FAM222B: variants seen among roughly 807,000 people sequenced by gnomAD.
FAM222B encodes protein FAM222B.
In FAM222B, 12 loss-of-function variants were observed where a neutral mutation model predicts 38.0. The ratio of observed to expected loss-of-function variants is 0.32; its 90% CI spans 0.20 to 0.51. The LOEUF (loss-of-function observed/expected upper bound fraction) is 0.51, where lower values mean the gene tolerates loss of function less well. FAM222B is among the 20% of genes least tolerant of loss of function. The probability of loss-of-function intolerance (pLI) is 0.97; values close to 1 mark genes in which losing one functional copy is unlikely to be tolerated. For missense variants in FAM222B, 716 were observed against 754.2 expected (o/e 0.95, Z 0.59); for synonymous variants, 329 against 317.2 (o/e 1.04, Z -0.40).
upstream of FAM222B, among the ~76,000 whole-genome samples, chr17:28,844,907 C>T: frequency 6.6e-6 from 1 of 151,572 alleles, no homozygotes; most frequent in Non-Finnish European, 1.5e-5. Flanking sequence ...TCGAGACCAG[C>T]CTGGCCAACA....
At chr17:28,786,783 T>A (rs2036428830) in intron 1 of FAM222B, among the ~76,000 whole-genome samples, 1 of 152,122 alleles carries the variant, frequency 6.6e-6, no homozygotes, top group African/African-American at 2.4e-5. Flanking sequence ...ACTAGTTCTC[T>A]GTGCACAACG....
chr17:28,799,442 C>A (rs558608200), intron 1 of FAM222B, among the ~76,000 whole-genome samples: 1 of 151,308 alleles, frequency 6.6e-6, no homozygotes, highest in Non-Finnish European at 1.5e-5. Flanking sequence ...GGACCACAGG[C>A]GCCTGCCACC....
At chr17:28,852,425 G>T (rs1246470066) in intron 1 of FAM222B, among the ~76,000 whole-genome samples, 1 of 151,898 alleles carries the variant, frequency 6.6e-6, no homozygotes, top group Non-Finnish European at 1.5e-5. Flanking sequence ...AGATGGAGTA[G>T]GCAGAGTTCA....
chr17:28,780,585 A>G (rs2036125078), intron 1 of FAM222B, among the ~76,000 whole-genome samples: 1 of 152,166 alleles, frequency 6.6e-6, no homozygotes, highest in South Asian at 2.1e-4. Context: ...ACTAATAAGT[A>G]TAAAATATTG....
At chr17:28,790,511 GCATCAAGGTTATGAA>G (rs1421975051) in intron 1 of FAM222B, 1 of 152,168 alleles carries the variant, frequency 6.6e-6, no homozygotes, top group Non-Finnish European at 1.5e-5. Context: ...TAACTTAATA[GCATCAAGGTTATGAA>G]CATCAAAGAA....
At chr17:28,809,461 G>A (rs1006417400) in intron 1 of FAM222B, among the ~76,000 whole-genome samples, 1 of 152,052 alleles carries the variant, frequency 6.6e-6, no homozygotes, top group Admixed American at 6.6e-5. Flanking sequence ...CCAGCACTAT[G>A]CCCCCTCAAC....
At chr17:28,796,222 T>A (rs993963294) in intron 1 of FAM222B, among the ~76,000 whole-genome samples, 2 of 152,220 alleles carry the variant, frequency 1.3e-5, no homozygotes, top group Non-Finnish European at 2.9e-5. Context: ...TTGGACATAA[T>A]TGAACTAACA....
intron 1 of FAM222B, among the ~76,000 whole-genome samples, chr17:28,837,213 G>C (rs901571459): frequency 6.6e-6 from 1 of 151,958 alleles, no homozygotes; most frequent in South Asian, 2.1e-4. Flanking sequence ...GGTGGATCAC[G>C]AGGTCAGGAG....
intron 1 of FAM222B, among the ~76,000 whole-genome samples, chr17:28,807,248 T>C (rs1314308351): frequency 1.3e-5 from 2 of 152,112 alleles, no homozygotes; most frequent in Admixed American, 1.3e-4. Context: ...ACTCCCGAAC[T>C]CAGGTGATCC....
At chr17:28,825,528 C>G (rs761968879) in intron 1 of FAM222B, among the ~76,000 whole-genome samples, 1 of 151,544 alleles carries the variant, frequency 6.6e-6, no homozygotes, top group Non-Finnish European at 1.5e-5. Flanking sequence ...CCTTTGTCAT[C>G]TCGTCATTCT....
At chr17:28,761,083 AG>A (rs569962148) in intron 2 of FAM222B, among the ~76,000 whole-genome samples, 5 of 152,358 alleles carry the variant, frequency 3.3e-5, no homozygotes, top group African/African-American at 1.2e-4. Flanking sequence ...TTTTCCAAAA[AG>A]AAAGAGGAAA....
rs546275939 is a variant in FAM222B at position 28,850,765 on chromosome 17, C to A, written c.-41+4185G>T. On this transcript the variant is annotated intron_variant, in intron 1 of 2. Coordinates refer to the FAM222B transcript ENST00000577513. ...GTTTTCATCATTGTGGTTCTAGAAA[C>A]TTCTCGTGTGCAGTGTCTGACCAAT... 6.6e-4 allele frequency among the ~76,000 whole-genome samples: 100 copies of A among 152,094 alleles called. 1 individual carries two copies. Among genetic ancestry groups the A allele is most frequent in the Non-Finnish European group, 1.3e-3 (88 of 68,020 alleles).
intron 1 of FAM222B, among the ~76,000 whole-genome samples, chr17:28,830,792 C>T (rs980551687): frequency 1.7e-4 from 26 of 150,628 alleles, no homozygotes; most frequent in African/African-American, 5.8e-4. Flanking sequence ...TTGAGACCAG[C>T]CTGGGCAACA....
chr17:28,758,236 ATGATGTGTTGCACGTGGAGGGCAGCAGGG>A lies in FAM222B; in HGVS notation c.*5_*33del. The A allele has an allele frequency of 6.7e-7, 1 of 1,493,650 alleles. No homozygotes were observed. Among genetic ancestry groups the A allele is most frequent in the Non-Finnish European group, 9.0e-7 (1 of 1,105,740 alleles). 92.5% of individuals were successfully genotyped at this position (1,493,650 alleles called of 1,614,324 possible). A position where few individuals can be genotyped will look rare whatever the true frequency, so the allele number is the denominator to read the frequency against. On this transcript the variant is annotated 3_prime_UTR_variant, in exon 3 of 3. Transcript: ENST00000581407. The stretch of plus-strand genomic sequence containing the variant: ...AAGACTAAACCTAGGAGGGTGATGT[ATGATGTGTTGCACGTGGAGGGCAGCAGGG>A]CTACCTATCTATACCCTGGGTGCTG...
At chr17:28,822,361 G>A (rs920842085) in intron 1 of FAM222B, among the ~76,000 whole-genome samples, 2 of 148,324 alleles carry the variant, frequency 1.3e-5, no homozygotes, top group Admixed American at 6.7e-5. Context: ...AGTGGCTCAC[G>A]CCTGTAATCC....
chr17:28,832,999 C>T (rs1373821743), intron 1 of FAM222B, among the ~76,000 whole-genome samples: 1 of 129,376 alleles, frequency 7.7e-6, no homozygotes, highest in African/African-American at 2.9e-5. Context: ...AGTTAAGACT[C>T]TGTCTCTATT....
chr17:28,777,661 AG>A lies in FAM222B; in HGVS notation c.-40-10955del, dbSNP rs377577813. Among the ~76,000 whole-genome samples the A allele has an allele frequency of 3.2e-4, 48 of 152,286 alleles. No homozygotes were observed. The East Asian group carries it at 8.1e-3, about 26-fold the overall frequency. On this transcript the variant is annotated intron_variant, in intron 1 of 2. Coordinates refer to ENST00000581407, the MANE Select transcript of FAM222B (RefSeq NM_001077498.3). ...GAAGGATAGCACATACTTTAATTCC[AG>A]GCTCCGAAAATTTGTGGTACATGGA... is the stretch of plus-strand genomic sequence containing the variant.
chr17:28,850,187 T>C (rs1261015295), intron 1 of FAM222B, among the ~76,000 whole-genome samples: 1 of 152,110 alleles, frequency 6.6e-6, no homozygotes, highest in Admixed American at 6.6e-5. Flanking sequence ...TCACTCTTGA[T>C]AGCATGAGGG....
chr17:28,795,914 TATGATC>T (rs1302659480), intron 1 of FAM222B, among the ~76,000 whole-genome samples: 1 of 152,186 alleles, frequency 6.6e-6, no homozygotes, highest in Non-Finnish European at 1.5e-5. Flanking sequence ...AACTCAAGGG[TATGATC>T]TCAGAATGTA....
Sources: gnomAD v4.1 joint callset for allele counts (sites outside exome capture counted in the v4.1 genomes callset) on GRCh38, gnomAD v4.1.1 for gene constraint, MANE v1.5 for transcripts, NCBI Gene and HGNC (gene_info 2026-07-23, HGNC 2026-07-21) for gene names.